The following KCNQ5 variants were observed in gnomAD, a reference collection of about 807,000 sequenced individuals.
KCNQ5 encodes the protein potassium voltage-gated channel subfamily Q member 5.
A neutral mutation model predicts 98.2 loss-of-function variants in KCNQ5; 30 were observed. The observed-to-expected ratio is 0.31, with a 90% CI of 0.23 to 0.41. The LOEUF (loss-of-function observed/expected upper bound fraction) is 0.41, where lower values mean the gene tolerates loss of function less well. Ranked by LOEUF, KCNQ5 falls within the 10% of genes least tolerant of loss-of-function variation. The pLI is 1.00. For synonymous variants in KCNQ5, 458 were observed against 449.4 expected (o/e 1.02, Z -0.24); for missense variants, 835 against 1,182.5 (o/e 0.71, Z 4.31).
chr6:72,957,992 TC>T (rs1488429298), intron 1 of KCNQ5, among the ~76,000 whole-genome samples: 1 of 152,184 alleles, frequency 6.6e-6, no homozygotes, highest in Non-Finnish European at 1.5e-5. Flanking sequence ...TTTTCTAGAT[TC>T]CTTAGAGCAA....
At chr6:72,658,384 G>A (rs934738940) in intron 1 of KCNQ5, among the ~76,000 whole-genome samples, 22 of 147,008 alleles carry the variant, frequency 1.5e-4, no homozygotes, top group African/African-American at 4.8e-4. Context: ...AGATTCAAGC[G>A]ATTCTCTTGC....
intron 1 of KCNQ5, among the ~76,000 whole-genome samples, chr6:72,892,398 G>C (rs1227625705): frequency 1.3e-5 from 2 of 152,098 alleles, no homozygotes; most frequent in Non-Finnish European, 2.9e-5. Flanking sequence ...GACATACATA[G>C]GTCTTCTCTA....
intron 1 of KCNQ5, among the ~76,000 whole-genome samples, chr6:72,668,493 G>A (rs1337618614): frequency 6.6e-6 from 1 of 152,006 alleles, no homozygotes; most frequent in Non-Finnish European, 1.5e-5. Flanking sequence ...TGGGTGAGGT[G>A]GTAGATTTAG....
At chr6:72,852,640 A>AATATATATATATATAT (rs140435793) in intron 1 of KCNQ5, among the ~76,000 whole-genome samples, 4,959 of 56,344 alleles carry the variant, frequency 0.088, 737 homozygotes, top group Admixed American at 0.11. Context: ...ATGAAGGGGA[A>AATATATATATATATAT]ATATATATAT....
chr6:73,085,082 A>T (rs1426168085), intron 5 of KCNQ5, among the ~76,000 whole-genome samples: 9 of 152,208 alleles, frequency 5.9e-5, no homozygotes, highest in Admixed American at 5.9e-4. Flanking sequence ...AAAGTCCAGA[A>T]AAATCAATGA....
At chr6:72,942,476 A>C (rs1766355763) in intron 1 of KCNQ5, among the ~76,000 whole-genome samples, 1 of 152,214 alleles carries the variant, frequency 6.6e-6, no homozygotes, top group Non-Finnish European at 1.5e-5. Flanking sequence ...GAGGCTCAAA[A>C]ATATATGCTA....
At chr6:72,825,826 A>G (rs1028966588) in intron 1 of KCNQ5, among the ~76,000 whole-genome samples, 2 of 152,196 alleles carry the variant, frequency 1.3e-5, no homozygotes, top group African/African-American at 4.8e-5. Context: ...TGAATGAATG[A>G]AACCAGTCAT....
At position 73,089,268 on chromosome 6, in the gene KCNQ5, T is replaced by C. The variant is rs74575127; in HGVS notation, c.918+11381T>C. On this transcript the variant is annotated intron_variant, in intron 5 of 13. Coordinates refer to ENST00000370398, the MANE Select transcript of KCNQ5 (RefSeq NM_019842.4). Reference sequence around the variant, plus strand: ...TATACAATATCATTTCAGGTATTGATACATTCTATGAATAAAGATGAACAG... The same window carrying C: ...TATACAATATCATTTCAGGTATTGACACATTCTATGAATAAAGATGAACAG... Among the ~76,000 whole-genome samples, 736 of 152,298 alleles carry C rather than the reference T, an allele frequency of 4.8e-3. 3 individuals are homozygous for C. Among genetic ancestry groups the C allele is most frequent in the African/African-American group, 0.017 (700 of 41,554 alleles).
chr6:73,132,651 G>A (rs569305439), intron 9 of KCNQ5, among the ~76,000 whole-genome samples: 4 of 152,210 alleles, frequency 2.6e-5, no homozygotes, highest in Non-Finnish European at 4.4e-5. Context: ...GATCTTAGCC[G>A]GCATCAGAGA....
chr6:73,097,334 G>A (rs1479391299), intron 5 of KCNQ5, among the ~76,000 whole-genome samples: 1 of 151,596 alleles, frequency 6.6e-6, no homozygotes, highest in African/African-American at 2.4e-5. Flanking sequence ...TTACCTTTCT[G>A]TGCCTGGCTT....
At chr6:73,188,198 G>A (rs1765452163) in intron 11 of KCNQ5, among the ~76,000 whole-genome samples, 1 of 152,184 alleles carries the variant, frequency 6.6e-6, no homozygotes, top group African/African-American at 2.4e-5. Flanking sequence ...GACAGATCTG[G>A]GTGGAATCCT....
At chr6:72,643,691 T>C (rs1404945976) in intron 1 of KCNQ5, among the ~76,000 whole-genome samples, 1 of 152,126 alleles carries the variant, frequency 6.6e-6, no homozygotes, top group African/African-American at 2.4e-5. Flanking sequence ...GTCACAAGCA[T>C]TTCAGATAAG....
chr6:72,824,858 G>C (rs1775921556), intron 1 of KCNQ5, among the ~76,000 whole-genome samples: 1 of 151,884 alleles, frequency 6.6e-6, no homozygotes, highest in South Asian at 2.1e-4. Context: ...TACGTAAATA[G>C]TCATCCCACT....
intron 10 of KCNQ5, among the ~76,000 whole-genome samples, chr6:73,148,114 A>G (rs1406943969): frequency 6.6e-6 from 1 of 152,218 alleles, no homozygotes; most frequent in Non-Finnish European, 1.5e-5. Flanking sequence ...CAGCAATTTT[A>G]GCAGTAGAGA....
rs1345372012 is a variant in KCNQ5 at position 73,043,080 on chromosome 6, G to T, written c.616+1018G>T. Reference sequence around the variant, plus strand: ...TGTTTTGTTTTAGGAGTCAGGAATTGTTGCGTAATCTTCTCAGTTTCCTCC... The same window carrying T: ...TGTTTTGTTTTAGGAGTCAGGAATTTTTGCGTAATCTTCTCAGTTTCCTCC... On this transcript the variant is annotated intron_variant, in intron 3 of 13. Coordinates refer to ENST00000370398, the MANE Select transcript of KCNQ5 (RefSeq NM_019842.4). The T allele has an allele frequency of 1.0e-5, 4 of 385,960 alleles. 1 individual carries two copies. The highest frequency in any genetic ancestry group is 2.2e-5 in the Non-Finnish European group (4 of 180,520). 23.9% of individuals were successfully genotyped at this position (385,960 alleles called of 1,614,324 possible). A position where few individuals can be genotyped will look rare whatever the true frequency, so the allele number is the denominator to read the frequency against.
At chr6:72,687,447 G>A (rs553362410) in intron 1 of KCNQ5, among the ~76,000 whole-genome samples, 25 of 152,288 alleles carry the variant, frequency 1.6e-4, no homozygotes, top group African/African-American at 5.1e-4. Context: ...AAAGAGAACC[G>A]TAGGCCCTGC....
At chr6:72,724,029 T>TAG (rs1396947674) in intron 1 of KCNQ5, among the ~76,000 whole-genome samples, 1 of 152,202 alleles carries the variant, frequency 6.6e-6, no homozygotes, top group Non-Finnish European at 1.5e-5. Context: ...CTTTCTTATT[T>TAG]AGAAACTCAG....
intron 1 of KCNQ5, among the ~76,000 whole-genome samples, chr6:72,789,144 T>A (rs1773902042): frequency 6.6e-6 from 1 of 151,304 alleles, no homozygotes; most frequent in African/African-American, 2.5e-5. Context: ...ATGGTTTTTG[T>A]TCATGTGTAT....
At chr6:72,891,951 G>A (rs1306201576) in intron 1 of KCNQ5, among the ~76,000 whole-genome samples, 1 of 152,054 alleles carries the variant, frequency 6.6e-6, no homozygotes, top group Non-Finnish European at 1.5e-5. Context: ...ACAACACTGT[G>A]AATACTACAC....
Sources: allele counts gnomAD v4.1 joint callset (sites outside exome capture counted in the v4.1 genomes callset), GRCh38; gene constraint gnomAD v4.1.1; transcripts MANE v1.5; gene names NCBI Gene and HGNC (gene_info 2026-07-23, HGNC 2026-07-21).